RBM33: variants seen among roughly 807,000 people sequenced by gnomAD.
The protein encoded by RBM33 is RNA binding motif protein 33.
A neutral mutation model predicts 132.6 loss-of-function variants in RBM33; 28 were observed. The ratio of observed to expected loss-of-function variants is 0.21; its 90% CI spans 0.16 to 0.29. RBM33 has a LOEUF of 0.29. Ranked by LOEUF, RBM33 falls within the 10% of genes least tolerant of loss-of-function variation. The pLI is 1.00. For synonymous variants in RBM33, 634 were observed against 593.0 expected, an observed-to-expected ratio of 1.07 and a Z score of -1.01; for missense variants, 1,291 against 1,518.5, an observed-to-expected ratio of 0.85 and a Z score of 2.49.
At chr7:155,682,482 C>G (rs1378611244) in intron 5 of RBM33, among the ~76,000 whole-genome samples, 2 of 152,156 alleles carry the variant, frequency 1.3e-5, no homozygotes, top group Non-Finnish European at 2.9e-5. Context: ...AAACCAAGAT[C>G]TTTTAGAATT....
chr7:155,687,532 T>C (rs1799515674), intron 5 of RBM33, among the ~76,000 whole-genome samples: 1 of 152,218 alleles, frequency 6.6e-6, no homozygotes, highest in Admixed American at 6.5e-5. Context: ...TTTGGTGTTT[T>C]AGACATGAAG....
intron 3 of RBM33, among the ~76,000 whole-genome samples, chr7:155,673,959 T>TTTG (rs1799101383): frequency 8.1e-6 from 1 of 124,144 alleles, no homozygotes; most frequent in Non-Finnish European, 1.7e-5. Context: ...TTTTTTTTTT[T>TTTG]TTTTTTTTTT....
At position 155,777,091 on chromosome 7, in the gene RBM33, T is replaced by A. The variant is rs183089163; in HGVS notation, c.*2050T>A. ...ACTTTTTGAAATAGAGTGTGCTGTG[T>A]TTAAAACCAAAAATATGCATGTTGT... On this transcript the variant is annotated 3_prime_UTR_variant, in exon 18 of 18. Coordinates refer to ENST00000401878, the MANE Select transcript of RBM33 (RefSeq NM_053043.3). 44 of 152,588 alleles carry A rather than the reference T, an allele frequency of 2.9e-4. No individual in the cohort carries two copies. The highest frequency in any genetic ancestry group is 1.9e-3 in the Admixed American group (29 of 15,290). 9.5% of individuals were successfully genotyped at this position (152,588 alleles called of 1,614,324 possible).
intron 6 of RBM33, chr7:155,701,327 C>G (rs1799957075): frequency 3.3e-6 from 1 of 307,426 alleles, no homozygotes. Context: ...GAATTCTGGA[C>G]AAGACCGGTT....
chr7:155,685,932 T>C (rs890554328), intron 5 of RBM33, among the ~76,000 whole-genome samples: 9 of 152,038 alleles, frequency 5.9e-5, no homozygotes, highest in African/African-American at 9.7e-5. Context: ...TTTACCCTTT[T>C]CCCCCCCAGT....
At chr7:155,678,714 C>T (rs778718361) in intron 4 of RBM33, 30 bp downstream of exon 4, 2 of 1,058,508 alleles carry the variant, frequency 1.9e-6, no homozygotes, top group South Asian at 1.4e-5. Context: ...TATAAATGTT[C>T]TTTATTTAAC....
At chr7:155,695,134 T>C (rs1799755552) in intron 5 of RBM33, among the ~76,000 whole-genome samples, 1 of 152,220 alleles carries the variant, frequency 6.6e-6, no homozygotes, top group Non-Finnish European at 1.5e-5. Flanking sequence ...CCTCTAGTGA[T>C]GTTGAGCACC....
At chr7:155,675,932 A>G (rs1449003461) in intron 3 of RBM33, among the ~76,000 whole-genome samples, 1 of 152,220 alleles carries the variant, frequency 6.6e-6, no homozygotes, top group Non-Finnish European at 1.5e-5. Context: ...TGATAGATGA[A>G]AAATGATTTC....
intron 1 of RBM33, among the ~76,000 whole-genome samples, chr7:155,664,513 C>T (rs1480313430): frequency 6.6e-6 from 1 of 151,850 alleles, no homozygotes; most frequent in Non-Finnish European, 1.5e-5. Flanking sequence ...TCAAGCTGAT[C>T]CATCCGCTTC....
At chr7:155,676,389 G>T (rs1405321486) in intron 3 of RBM33, among the ~76,000 whole-genome samples, 1 of 152,168 alleles carries the variant, frequency 6.6e-6, no homozygotes, top group African/African-American at 2.4e-5. Context: ...TCATCAACTC[G>T]TGTTGGACAG....
intron 6 of RBM33, among the ~76,000 whole-genome samples, chr7:155,704,066 G>T (rs191545311): frequency 6.6e-5 from 10 of 152,258 alleles, no homozygotes; most frequent in African/African-American, 2.4e-4. Context: ...CATGTGAAAC[G>T]AGTTCTCTTC....
chr7:155,767,884 A>T (rs1802278668), intron 16 of RBM33, among the ~76,000 whole-genome samples: 1 of 152,264 alleles, frequency 6.6e-6, no homozygotes, highest in Non-Finnish European at 1.5e-5. Context: ...TTTTAGATGG[A>T]TTAAAATGTG....
rs1296911419 is a variant in RBM33, at chr7:155,745,984, TC to T, written c.2979+383del. Among the ~76,000 whole-genome samples, 1 of 152,164 alleles carries T rather than the reference TC, an allele frequency of 6.6e-6. No homozygotes were observed. The highest frequency in any genetic ancestry group is 1.9e-4 in the East Asian group (1 of 5,194). ...ATGAGTAGTTGTGTGTCGAAATGTA[TC>T]TTAGTGAAGGTACAGTAAAAATACA... On this transcript the variant is annotated intron_variant, in intron 14 of 17. Transcript: ENST00000401878. The surrounding 1 kb of genome is among the most constrained non-coding windows in gnomAD (Gnocchi z 4.1).
intron 2 of RBM33, among the ~76,000 whole-genome samples, chr7:155,670,314 A>T (rs1042422580): frequency 6.6e-6 from 1 of 152,188 alleles, no homozygotes; most frequent in African/African-American, 2.4e-5. Flanking sequence ...TAGAACACTT[A>T]CTGCTGCTGC....
At chr7:155,670,131 T>C (rs1478617126) in intron 2 of RBM33, among the ~76,000 whole-genome samples, 1 of 152,260 alleles carries the variant, frequency 6.6e-6, no homozygotes, top group African/African-American at 2.4e-5. Flanking sequence ...AACTTCTGTT[T>C]CTAAGTAAAA....
intron 16 of RBM33, among the ~76,000 whole-genome samples, chr7:155,773,615 C>CACA (rs1802510179): frequency 7.1e-6 from 1 of 141,334 alleles, no homozygotes; most frequent in African/African-American, 2.7e-5. Flanking sequence ...GGCTCCTGTG[C>CACA]GTGCTCCAGA....
At chr7:155,652,212 G>T (rs1798374452) in intron 1 of RBM33, among the ~76,000 whole-genome samples, 1 of 152,156 alleles carries the variant, frequency 6.6e-6, no homozygotes, top group African/African-American at 2.4e-5. Context: ...GAATACAAAG[G>T]TCAGCAAACT....
At chr7:155,771,852 G>A (rs998909344) in intron 16 of RBM33, among the ~76,000 whole-genome samples, 1 of 151,844 alleles carries the variant, frequency 6.6e-6, no homozygotes, top group Non-Finnish European at 1.5e-5. Flanking sequence ...GGATCCTTCC[G>A]CCTCAGCCTT....
At chr7:155,741,550 G>A (rs1337218601) in intron 12 of RBM33, among the ~76,000 whole-genome samples, 1 of 152,172 alleles carries the variant, frequency 6.6e-6, no homozygotes, top group Non-Finnish European at 1.5e-5. Flanking sequence ...TCAGCCTGGT[G>A]TAATTTCTAT....
Sources: allele counts gnomAD v4.1 joint callset (sites outside exome capture counted in the v4.1 genomes callset), GRCh38; gene constraint gnomAD v4.1.1; non-coding constraint Gnocchi (gnomAD v3.1); transcripts MANE v1.5; gene names NCBI Gene and HGNC (gene_info 2026-07-23, HGNC 2026-07-21).